GPC3: variants seen among roughly 807,000 people sequenced by gnomAD.
GPC3 encodes the protein glypican 3.
Under a neutral mutation model 34.4 loss-of-function variants are expected in GPC3, and 3 were observed. The observed-to-expected ratio is 0.09, with a 90% CI of 0.04 to 0.23. The LOEUF (loss-of-function observed/expected upper bound fraction) is 0.23, where lower values mean the gene tolerates loss of function less well. GPC3 is among the 10% of genes least tolerant of loss of function. The pLI is 1.00. For synonymous variants in GPC3, 177 were observed against 174.0 expected (o/e 1.02, Z -0.13); for missense variants, 351 against 445.6 (o/e 0.79, Z 1.91).
intron 3 of GPC3, among the ~76,000 whole-genome samples, chrX:133,703,924 G>A (rs1401691282): frequency 1.8e-5 from 2 of 112,504 alleles, no homozygotes; most frequent in Admixed American, 9.4e-5. Context: ...AAGAAGAATT[G>A]TCTTGGGCCA....
intron 6 of GPC3, among the ~76,000 whole-genome samples, chrX:133,652,278 G>A (rs975813568): frequency 9.0e-6 from 1 of 111,509 alleles, no homozygotes; most frequent in South Asian, 3.8e-4. Context: ...ACCTGAACTT[G>A]GACCTCATTT....
intron 7 of GPC3, among the ~76,000 whole-genome samples, chrX:133,584,278 G>C (rs904209315): frequency 4.5e-5 from 5 of 111,842 alleles, no homozygotes; most frequent in African/African-American, 1.3e-4. Flanking sequence ...GCAGCATGGA[G>C]GGAAGGAGAA....
chrX:133,931,174 C>T (rs1463556425), intron 2 of GPC3, among the ~76,000 whole-genome samples: 2 of 111,039 alleles, frequency 1.8e-5, no homozygotes, highest in African/African-American at 6.6e-5. Flanking sequence ...GAGCTTCTAA[C>T]GATACTCGGT....
chrX:133,635,429 T>A (rs1205319371), intron 6 of GPC3, among the ~76,000 whole-genome samples: 2 of 111,598 alleles, frequency 1.8e-5, no homozygotes, highest in Non-Finnish European at 3.8e-5. Flanking sequence ...TGTGACAAAG[T>A]AGGGAAGTCT....
intron 2 of GPC3, among the ~76,000 whole-genome samples, chrX:133,901,677 G>A (rs374110560): frequency 1.8e-5 from 2 of 111,290 alleles, no homozygotes; most frequent in African/African-American, 6.5e-5. Context: ...TTGACCTCGC[G>A]ATCTGCCCGC....
intron 5 of GPC3, among the ~76,000 whole-genome samples, chrX:133,673,299 C>G (rs2070850739): frequency 8.9e-6 from 1 of 112,419 alleles, no homozygotes; most frequent in Non-Finnish European, 1.9e-5. Context: ...AAAGGACCTT[C>G]AAAGTCATTC....
At chrX:133,817,493 A>G (rs1006868323) in intron 2 of GPC3, among the ~76,000 whole-genome samples, 4 of 110,134 alleles carry the variant, frequency 3.6e-5, no homozygotes, top group African/African-American at 1.3e-4. Flanking sequence ...AAAAACAAAA[A>G]CAAAAACAAA....
rs905336303 is a variant in GPC3 at position 133,590,380 on chromosome X, G to A, written c.1573+6060C>T. Among the ~76,000 whole-genome samples the A allele has an allele frequency of 2.7e-5, 3 of 111,574 alleles. No homozygotes were observed. In the Admixed American group the frequency reaches 2.9e-4, roughly 11 times the overall value. ...CATTACCCTTGGTTCTGAGAAGTGCGAGGAACAGGCGAAGATGTAACCATG... is the reference window on the plus strand; with the variant it reads ...CATTACCCTTGGTTCTGAGAAGTGCAAGGAACAGGCGAAGATGTAACCATG... On this transcript the variant is annotated intron_variant, in intron 7 of 7. Coordinates refer to ENST00000370818, the MANE Select transcript of GPC3 (RefSeq NM_004484.4).
intron 5 of GPC3, among the ~76,000 whole-genome samples, chrX:133,690,788 C>A (rs2071054127): frequency 9.0e-6 from 1 of 111,575 alleles, no homozygotes; most frequent in Admixed American, 9.5e-5. Flanking sequence ...GAAACCAAGG[C>A]CTAGAGAGAT....
chrX:133,840,184 T>TA (rs2075817867), intron 2 of GPC3, among the ~76,000 whole-genome samples: 1 of 111,150 alleles, frequency 9.0e-6, no homozygotes, highest in South Asian at 3.8e-4. Flanking sequence ...AGTTTCAACT[T>TA]AGAGAGGACA....
At chrX:133,906,672 T>C (rs2076168787) in intron 2 of GPC3, among the ~76,000 whole-genome samples, 1 of 112,448 alleles carries the variant, frequency 8.9e-6, no homozygotes, top group African/African-American at 3.2e-5. Flanking sequence ...TACTCACCTC[T>C]AGGAGCTAGC....
At chrX:133,909,605 A>G (rs1163866350) in intron 2 of GPC3, among the ~76,000 whole-genome samples, 2 of 111,908 alleles carry the variant, frequency 1.8e-5, no homozygotes, top group African/African-American at 6.5e-5. Flanking sequence ...AACTGCCTTG[A>G]GGAAGTGAAA....
chrX:133,564,406 C>T (rs1209482697), intron 7 of GPC3, among the ~76,000 whole-genome samples: 1 of 111,210 alleles, frequency 9.0e-6, no homozygotes, highest in African/African-American at 3.3e-5. Context: ...GCTTGAACCC[C>T]ATTTCTGCAT....
intron 2 of GPC3, among the ~76,000 whole-genome samples, chrX:133,909,883 C>G (rs1405536798): frequency 9.0e-6 from 1 of 111,706 alleles, no homozygotes; most frequent in Admixed American, 9.6e-5. Context: ...CGCAAACATA[C>G]TCCTCTACTC....
intron 3 of GPC3, among the ~76,000 whole-genome samples, chrX:133,709,660 C>T (rs1415028398): frequency 2.7e-5 from 3 of 111,719 alleles, no homozygotes; most frequent in Non-Finnish European, 3.8e-5. Flanking sequence ...TTCCCCAGGG[C>T]TTTTATTACT....
intron 6 of GPC3, among the ~76,000 whole-genome samples, chrX:133,618,203 T>C (rs777132872): frequency 5.9e-4 from 66 of 111,860 alleles, no homozygotes; most frequent in African/African-American, 1.9e-3. Context: ...AAACAAATTA[T>C]TGTGTAAAGT....
intron 2 of GPC3, among the ~76,000 whole-genome samples, chrX:133,863,602 AACAC>A (rs58143389): frequency 1.0e-5 from 1 of 97,046 alleles, no homozygotes. Flanking sequence ...CACCAACATC[AACAC>A]ACACACACAC....
chrX:133,767,110 G>T (rs1355325901), intron 2 of GPC3, among the ~76,000 whole-genome samples: 4 of 112,156 alleles, frequency 3.6e-5, no homozygotes, highest in Non-Finnish European at 5.6e-5. Context: ...AATGCTTCCA[G>T]ATATAGGTAG....
At chrX:133,779,169 C>T (rs1205745789) in intron 2 of GPC3, among the ~76,000 whole-genome samples, 1 of 112,333 alleles carries the variant, frequency 8.9e-6, no homozygotes, top group Non-Finnish European at 1.9e-5. Flanking sequence ...ACCCCCATGA[C>T]GCTAAACTAT....
Sources: allele counts gnomAD v4.1 joint callset (sites outside exome capture counted in the v4.1 genomes callset), GRCh38; gene constraint gnomAD v4.1.1; transcripts MANE v1.5; gene names NCBI Gene and HGNC (gene_info 2026-07-23, HGNC 2026-07-21).